Variants in SPATA6 observed in about 807,000 individuals in gnomAD.
SPATA6 encodes the protein spermatogenesis associated 6.
In SPATA6, 56 loss-of-function variants were observed where a neutral mutation model predicts 65.3. The observed-to-expected ratio is 0.86, with a 90% confidence interval of 0.69 to 1.07. SPATA6 has a LOEUF of 1.07. Among genes scored for constraint, SPATA6 ranks in the 50% least tolerant of loss-of-function variants. The pLI is 0.00. For missense variants in SPATA6, 590 were observed against 594.8 expected (o/e 0.99, Z 0.08); for synonymous variants, 199 against 213.2 (o/e 0.93, Z 0.58).
Position 48,298,564 on chromosome 1 carries a change from C to A in SPATA6, c.*149G>T. ...AAAAGGCTTGCCTATGATAATTTAC[C>A]ATTTGAAGTAATGAACTTATTCAAG... On this transcript the variant is annotated 3_prime_UTR_variant, in exon 13 of 13. Coordinates refer to ENST00000371847, the MANE Select transcript of SPATA6 (RefSeq NM_019073.4). The A allele has an allele frequency of 1.5e-6, 1 of 680,974 alleles. No individual in the cohort carries two copies. Among genetic ancestry groups the A allele is most frequent in the Non-Finnish European group, 2.3e-6 (1 of 430,220 alleles). The allele number at this position is 680,974 out of a possible 1,614,324, so 42.2% of individuals were successfully genotyped here. A position where few individuals can be genotyped will look rare whatever the true frequency, so the allele number is the denominator to read the frequency against.
At chr1:48,324,787 G>A (rs1332404283) in intron 11 of SPATA6, among the ~76,000 whole-genome samples, 1 of 152,026 alleles carries the variant, frequency 6.6e-6, no homozygotes, top group Non-Finnish European at 1.5e-5. Context: ...TCTGTAACAC[G>A]ACAAGGATGC....
At chr1:48,376,513 C>T (rs1214968076) in intron 9 of SPATA6, among the ~76,000 whole-genome samples, 5 of 150,624 alleles carry the variant, frequency 3.3e-5, no homozygotes, top group Non-Finnish European at 5.9e-5. Flanking sequence ...CTATTTTTGC[C>T]TAGCTCCTGG....
intron 12 of SPATA6, among the ~76,000 whole-genome samples, chr1:48,299,620 T>A: frequency 6.6e-6 from 1 of 151,730 alleles, no homozygotes; most frequent in East Asian, 1.9e-4. Flanking sequence ...CTTGGGCAAT[T>A]TATTTAACTA....
intron 9 of SPATA6, among the ~76,000 whole-genome samples, chr1:48,376,626 ATGAGAACACATTC>A (rs992752902): frequency 1.3e-5 from 2 of 151,830 alleles, no homozygotes; most frequent in African/African-American, 4.8e-5. Context: ...ATTTTTCTCT[ATGAGAACACATTC>A]AGTCATGTGT....
At chr1:48,379,302 C>T (rs1025191531) in intron 9 of SPATA6, among the ~76,000 whole-genome samples, 3 of 152,020 alleles carry the variant, frequency 2.0e-5, no homozygotes, top group African/African-American at 7.3e-5. Context: ...GATCCAGTCA[C>T]CTCTCTCTCT....
intron 9 of SPATA6, among the ~76,000 whole-genome samples, chr1:48,377,646 AC>A (rs1356569739): frequency 1.3e-5 from 2 of 152,184 alleles, no homozygotes; most frequent in Non-Finnish European, 2.9e-5. Flanking sequence ...TTCCTTCACT[AC>A]CATGAAATAC....
intron 11 of SPATA6, among the ~76,000 whole-genome samples, chr1:48,308,627 A>G (rs1645120836): frequency 6.6e-6 from 1 of 152,120 alleles, no homozygotes; most frequent in South Asian, 2.1e-4. Flanking sequence ...TATTTCTTGT[A>G]GTGCAGATCT....
At chr1:48,295,288 C>A (rs998812846), downstream of SPATA6, 6 of 152,088 alleles carry the variant, frequency 3.9e-5, no homozygotes, top group Non-Finnish European at 7.4e-5. Context: ...AACTTGTATA[C>A]AAGTGTTCAG....
the SPATA6 span, among the ~76,000 whole-genome samples, chr1:48,284,998 G>A: frequency 6.6e-6 from 1 of 152,322 alleles, no homozygotes; most frequent in African/African-American, 2.4e-5. Flanking sequence ...CAGCACGCAG[G>A]AACGTTTAAG....
At chr1:48,462,045 G>C (rs1358048053) in intron 1 of SPATA6, among the ~76,000 whole-genome samples, 2 of 152,112 alleles carry the variant, frequency 1.3e-5, no homozygotes, top group African/African-American at 2.4e-5. Flanking sequence ...TCCTTTGTAG[G>C]GACATGGATG....
chr1:48,329,088 A>G lies in SPATA6; in HGVS notation c.1195-23210T>C, dbSNP rs187334194. Among the ~76,000 whole-genome samples the G allele has an allele frequency of 1.1e-3, 172 of 152,334 alleles. 1 individual carries two copies. The highest frequency in any genetic ancestry group is 2.9e-3 in the South Asian group (14 of 4,834). ...TAATACATTTCAAATAATTCAAAGTATATTCTCTAGCTGAGAAGAAATTAA... is the reference window on the plus strand; with the variant it reads ...TAATACATTTCAAATAATTCAAAGTGTATTCTCTAGCTGAGAAGAAATTAA... On this transcript the variant is annotated intron_variant, in intron 11 of 12. Transcript: ENST00000371847.
intron 11 of SPATA6, among the ~76,000 whole-genome samples, chr1:48,353,372 A>T (rs557667945): frequency 6.6e-6 from 1 of 152,000 alleles, no homozygotes; most frequent in African/African-American, 2.4e-5. Flanking sequence ...ATTGTTAAAA[A>T]TTTTGATTAA....
intron 3 of SPATA6, among the ~76,000 whole-genome samples, chr1:48,424,860 T>A (rs1653689138): frequency 6.6e-6 from 1 of 152,206 alleles, no homozygotes; most frequent in African/African-American, 2.4e-5. Context: ...TATAGAGTTG[T>A]TTGAAGCTCC....
intron 1 of SPATA6, among the ~76,000 whole-genome samples, chr1:48,471,264 T>A (rs1412776093): frequency 6.6e-6 from 1 of 152,000 alleles, no homozygotes; most frequent in Non-Finnish European, 1.5e-5. Flanking sequence ...GTTGCAAGGT[T>A]GGAGAAGGAG....
At chr1:48,344,125 CCT>C (rs1220479825) in intron 11 of SPATA6, 8 of 151,958 alleles carry the variant, frequency 5.3e-5, no homozygotes, top group African/African-American at 9.7e-5. Flanking sequence ...ATGAAAAATC[CCT>C]GTTAAATAAA....
intron 11 of SPATA6, among the ~76,000 whole-genome samples, chr1:48,336,599 G>A (rs1646067369): frequency 6.6e-6 from 1 of 151,764 alleles, no homozygotes; most frequent in African/African-American, 2.4e-5. Context: ...TGAACAAAAA[G>A]AGGGCAACAA....
chr1:48,404,479 A>G (rs1651496760), intron 5 of SPATA6, among the ~76,000 whole-genome samples: 1 of 152,040 alleles, frequency 6.6e-6, no homozygotes, highest in African/African-American at 2.4e-5. Context: ...AGTAGCTAGG[A>G]CTACAGGATA....
the SPATA6 span, among the ~76,000 whole-genome samples, chr1:48,279,330 G>A: frequency 2.4e-4 from 36 of 152,174 alleles, no homozygotes; most frequent in African/African-American, 6.7e-4. Context: ...CACACATAAC[G>A]ATATTAACTT....
chr1:48,406,177 T>C (rs1318767629), intron 5 of SPATA6, among the ~76,000 whole-genome samples: 1 of 152,046 alleles, frequency 6.6e-6, no homozygotes, highest in Non-Finnish European at 1.5e-5. Flanking sequence ...CAGTAAGCCA[T>C]GATCTCGCAA....
Sources: gnomAD v4.1 joint callset for allele counts (sites outside exome capture counted in the v4.1 genomes callset) on GRCh38, gnomAD v4.1.1 for gene constraint, MANE v1.5 for transcripts, NCBI Gene and HGNC (gene_info 2026-07-23, HGNC 2026-07-21) for gene names.